Variants in ADAMTSL3 observed in about 807,000 individuals in gnomAD.
ADAMTSL3 encodes ADAMTS-like protein 3.
ADAMTSL3 carries 128 observed loss-of-function variants against 201.7 expected under a neutral mutation model. The observed-to-expected ratio is 0.63, with a 90% CI of 0.55 to 0.73. The LOEUF (loss-of-function observed/expected upper bound fraction) is 0.73, where lower values mean the gene tolerates loss of function less well. Among genes scored for constraint, ADAMTSL3 ranks in the 30% least tolerant of loss-of-function variants. ADAMTSL3 has a pLI of 0.00. For synonymous variants in ADAMTSL3, 738 were observed against 748.4 expected, an observed-to-expected ratio of 0.99 and a Z score of 0.23; for missense variants, 1,990 against 2,119.6, an observed-to-expected ratio of 0.94 and a Z score of 1.20.
At chr15:83,780,072 A>C (rs80213593) in intron 4 of ADAMTSL3, among the ~76,000 whole-genome samples, 1 of 104,132 alleles carries the variant, frequency 9.6e-6, no homozygotes, top group African/African-American at 3.6e-5. Context: ...CAAGAAATAA[A>C]TCAGAGCTGA....
At chr15:83,780,804 T>C (rs924234126) in intron 4 of ADAMTSL3, among the ~76,000 whole-genome samples, 3 of 152,174 alleles carry the variant, frequency 2.0e-5, no homozygotes, top group Non-Finnish European at 4.4e-5. Flanking sequence ...AACATTCTTA[T>C]ACACCAACAG....
At chr15:83,668,975 G>A (rs2061286987) in intron 2 of ADAMTSL3, among the ~76,000 whole-genome samples, 1 of 152,104 alleles carries the variant, frequency 6.6e-6, no homozygotes, top group Non-Finnish European at 1.5e-5. Flanking sequence ...CATCCCACTG[G>A]CCAAAGCAGC....
chr15:83,879,184 T>C (rs1354353396), intron 9 of ADAMTSL3, among the ~76,000 whole-genome samples: 2 of 152,144 alleles, frequency 1.3e-5, no homozygotes, highest in Non-Finnish European at 2.9e-5. Flanking sequence ...ATCAATTTTA[T>C]TAGACATTTC....
rs1343892127 is a variant in ADAMTSL3 at position 83,982,560 on chromosome 15, G to A, written c.2932G>A (p.Gly978Ser). The A allele has an allele frequency of 6.2e-6, 10 of 1,614,116 alleles. No individual in the cohort carries two copies. Among genetic ancestry groups the A allele is most frequent in the Middle Eastern group, 3.3e-4 (2 of 6,062 alleles). ...KIHGLAAPDI[G>S]VYRCIAGSAQ... ...CCATGGTCTTGCTGCCCCCGACATC[G>A]GCGTGTACCGGTGCATTGCAGGCTC... The change falls in exon 21 of 30, where the codon GGC becomes AGC. Residue 978 changes from glycine (G) to serine (S), a missense_variant. Gly to Ser is a moderately conservative substitution (Grantham distance 56, BLOSUM62 0). Coordinates refer to ENST00000286744, the MANE Select transcript of ADAMTSL3 (RefSeq NM_207517.3).
At chr15:84,001,634 G>A (rs995779272) in intron 23 of ADAMTSL3, among the ~76,000 whole-genome samples, 2 of 152,206 alleles carry the variant, frequency 1.3e-5, no homozygotes, top group Non-Finnish European at 2.9e-5. Flanking sequence ...CTGTCAAAGC[G>A]AGGTGTGAGG....
At chr15:83,934,818 G>A (rs1325738334) in intron 17 of ADAMTSL3, among the ~76,000 whole-genome samples, 1 of 151,568 alleles carries the variant, frequency 6.6e-6, no homozygotes. Context: ...ACAAATGATT[G>A]GATAAAGAAA....
At chr15:83,980,300 G>C (rs1260381851) in intron 20 of ADAMTSL3, among the ~76,000 whole-genome samples, 1 of 152,118 alleles carries the variant, frequency 6.6e-6, no homozygotes, top group Non-Finnish European at 1.5e-5. Context: ...ACCATAGTAG[G>C]CCTCCAAGAC....
intron 10 of ADAMTSL3, among the ~76,000 whole-genome samples, chr15:83,887,138 A>G (rs1198886863): frequency 6.6e-6 from 1 of 152,172 alleles, no homozygotes; most frequent in Non-Finnish European, 1.5e-5. Flanking sequence ...CAGAAACCCC[A>G]GAGTGTGGCT....
chr15:83,809,795 T>C (rs1250245319), intron 5 of ADAMTSL3, among the ~76,000 whole-genome samples: 1 of 152,234 alleles, frequency 6.6e-6, no homozygotes, highest in African/African-American at 2.4e-5. Flanking sequence ...TTGATTTATT[T>C]TTATCCACTT....
chr15:84,024,030 C>T (rs1490940346), intron 26 of ADAMTSL3, among the ~76,000 whole-genome samples: 7 of 152,078 alleles, frequency 4.6e-5, no homozygotes, highest in African/African-American at 1.2e-4. Flanking sequence ...CCGAGGCGGG[C>T]GGATCACGAG....
intron 23 of ADAMTSL3, 59 bp downstream of exon 23, chr15:83,991,273 A>C (rs937411398): frequency 1.2e-6 from 2 of 1,607,074 alleles, no homozygotes; most frequent in Admixed American, 3.4e-5. Flanking sequence ...TGGCCATCCC[A>C]GTGTTGCCAG....
intron 2 of ADAMTSL3, among the ~76,000 whole-genome samples, chr15:83,695,526 T>C (rs2061676650): frequency 6.6e-6 from 1 of 152,056 alleles, no homozygotes; most frequent in South Asian, 2.1e-4. Context: ...CATATTTCTT[T>C]TGAAAATGTG....
At chr15:83,766,611 C>G (rs903846602) in intron 3 of ADAMTSL3, among the ~76,000 whole-genome samples, 6 of 152,136 alleles carry the variant, frequency 3.9e-5, no homozygotes, top group African/African-American at 1.4e-4. Flanking sequence ...CTGTATTTGA[C>G]TGGATTCCTG....
intron 20 of ADAMTSL3, among the ~76,000 whole-genome samples, chr15:83,981,036 C>G (rs1411658793): frequency 6.6e-6 from 1 of 152,206 alleles, no homozygotes. Flanking sequence ...CCTTCTAAAT[C>G]CAGAGGTATT....
At chr15:83,947,039 T>A (rs1452535737) in intron 19 of ADAMTSL3, among the ~76,000 whole-genome samples, 1 of 152,220 alleles carries the variant, frequency 6.6e-6, no homozygotes, top group Non-Finnish European at 1.5e-5. Flanking sequence ...CACAGAAATT[T>A]TAGTTTTCTA....
Position 84,003,344 on chromosome 15 carries a change from G to C in ADAMTSL3, c.3974-11198G>C, listed in dbSNP as rs541616141. Among the ~76,000 whole-genome samples, 7 of 152,260 alleles carry C rather than the reference G, an allele frequency of 4.6e-5. No homozygotes were observed. In the East Asian group the frequency reaches 7.7e-4, roughly 17 times the overall value. On this transcript the variant is annotated intron_variant, in intron 23 of 29. Coordinates refer to ENST00000286744, the MANE Select transcript of ADAMTSL3 (RefSeq NM_207517.3). ...AATAAAATGGCCCTGGATCAGTCCT[G>C]TTGAGCCTGTGAGATGGTGCACTAA... is the stretch of plus-strand genomic sequence containing the variant.
At chr15:83,707,120 G>T (rs1447192503) in intron 3 of ADAMTSL3, among the ~76,000 whole-genome samples, 1 of 152,174 alleles carries the variant, frequency 6.6e-6, no homozygotes, top group Non-Finnish European at 1.5e-5. Context: ...TCTGGAGTCA[G>T]ACTGCTTTGG....
intron 5 of ADAMTSL3, among the ~76,000 whole-genome samples, chr15:83,815,406 A>AT (rs1173370387): frequency 1.3e-4 from 19 of 151,938 alleles, no homozygotes; most frequent in Middle Eastern, 3.4e-3. Context: ...GGTGGATTAT[A>AT]TTTTTTTTTG....
intron 17 of ADAMTSL3, among the ~76,000 whole-genome samples, chr15:83,938,527 G>T (rs2066500163): frequency 6.6e-6 from 1 of 152,026 alleles, no homozygotes; most frequent in Non-Finnish European, 1.5e-5. Context: ...CAATAAAGCT[G>T]TCATTTTAAA....
Sources: gnomAD v4.1 joint callset for allele counts (sites outside exome capture counted in the v4.1 genomes callset) on GRCh38, gnomAD v4.1.1 for gene constraint, MANE v1.5 for transcripts, NCBI Gene and HGNC (gene_info 2026-07-23, HGNC 2026-07-21) for gene names.